CDH13: variants seen among roughly 807,000 people sequenced by gnomAD.
The protein encoded by CDH13 is cadherin-13.
A neutral mutation model predicts 63.8 loss-of-function variants in CDH13; 24 were observed. The observed-to-expected ratio is 0.38, with a 90% CI of 0.27 to 0.53. The LOEUF (loss-of-function observed/expected upper bound fraction) is 0.53. Among genes scored for constraint, CDH13 ranks in the 20% least tolerant of loss-of-function variants. The pLI is 0.85. For missense variants in CDH13, 1,049 were observed against 903.1 expected (o/e 1.16, Z -2.07); for synonymous variants, 503 against 355.3 (o/e 1.42, Z -4.67).
At chr16:83,339,516 A>G (rs2090675340) in intron 5 of CDH13, among the ~76,000 whole-genome samples, 1 of 152,112 alleles carries the variant, frequency 6.6e-6, no homozygotes, top group Non-Finnish European at 1.5e-5. Context: ...GTTAATCTGC[A>G]CCAAGATCCT....
chr16:83,780,162 G>A lies in CDH13; in HGVS notation c.1876G>A (p.Ala626Thr). The change falls in exon 12 of 14, where the codon GCT (alanine) becomes ACT (threonine). Residue 626 changes from alanine to threonine, a missense_variant. Physicochemically the swap from Ala to Thr is moderately conservative, Grantham distance 58 (BLOSUM62 0). Coordinates refer to ENST00000567109, the MANE Select transcript of CDH13 (RefSeq NM_001257.5). ...TTTCAAATTTGAAATCCACAAACAAGCTGTTCCTGATAAAGTCTGGAAGAT... is the reference window on the plus strand; with the variant it reads ...TTTCAAATTTGAAATCCACAAACAAACTGTTCCTGATAAAGTCTGGAAGAT... Reference protein sequence around the residue: ...DPFKFEIHKQAVPDKVWKISK... With the variant: ...DPFKFEIHKQTVPDKVWKISK... 1 of 1,609,476 alleles carries A rather than the reference G, an allele frequency of 6.2e-7. No individual in the cohort carries two copies. Among genetic ancestry groups the A allele is most frequent in the African/African-American group, 1.3e-5 (1 of 74,948 alleles).
chr16:83,001,393 T>C (rs1365194058), intron 2 of CDH13, among the ~76,000 whole-genome samples: 2 of 152,238 alleles, frequency 1.3e-5, no homozygotes, highest in Non-Finnish European at 2.9e-5. Flanking sequence ...TTATTCAGCA[T>C]GTTCAAGCAA....
chr16:82,894,941 A>C (rs1344268848), intron 2 of CDH13, among the ~76,000 whole-genome samples: 1 of 152,144 alleles, frequency 6.6e-6, no homozygotes, highest in Non-Finnish European at 1.5e-5. Flanking sequence ...CGGATGGGAA[A>C]GGTGGGGACA....
intron 6 of CDH13, among the ~76,000 whole-genome samples, chr16:83,368,038 A>G (rs182418736): frequency 2.6e-5 from 4 of 152,352 alleles, no homozygotes; most frequent in Non-Finnish European, 4.4e-5. Context: ...ATGATATTGT[A>G]AATTGAATTA....
At chr16:83,105,703 G>A (rs1295862407) in intron 3 of CDH13, among the ~76,000 whole-genome samples, 1 of 152,116 alleles carries the variant, frequency 6.6e-6, no homozygotes, top group Non-Finnish European at 1.5e-5. Flanking sequence ...ATGGGACCTG[G>A]CAGATGAAAC....
intron 6 of CDH13, among the ~76,000 whole-genome samples, chr16:83,369,504 T>G (rs1042595499): frequency 4.6e-5 from 7 of 152,092 alleles, no homozygotes; most frequent in African/African-American, 1.7e-4. Flanking sequence ...CTGCAGCATC[T>G]AGCTCCAAGG....
intron 11 of CDH13, among the ~76,000 whole-genome samples, chr16:83,764,120 G>C (rs1326073051): frequency 6.6e-6 from 1 of 152,176 alleles, no homozygotes. Flanking sequence ...GAACTGACTT[G>C]AACTGAGTCA....
intron 6 of CDH13, among the ~76,000 whole-genome samples, chr16:83,473,902 G>T (rs539425694): frequency 6.6e-6 from 1 of 152,128 alleles, no homozygotes; most frequent in Non-Finnish European, 1.5e-5. Flanking sequence ...CTGCCTCATA[G>T]GGTTTGTGGG....
chr16:83,644,739 C>T (rs1025830191), intron 8 of CDH13, among the ~76,000 whole-genome samples: 2 of 152,160 alleles, frequency 1.3e-5, no homozygotes, highest in Non-Finnish European at 2.9e-5. Flanking sequence ...GTGAATGGTT[C>T]ACATCAGCAG....
chr16:82,712,715 C>G (rs552280697), intron 1 of CDH13, among the ~76,000 whole-genome samples: 45 of 152,248 alleles, frequency 3.0e-4, no homozygotes, highest in African/African-American at 1.0e-3. Context: ...ATGGCTGACT[C>G]CCTGAACTCT....
intron 3 of CDH13, among the ~76,000 whole-genome samples, chr16:83,080,869 G>GGGTTTT: frequency 2.6e-5 from 1 of 37,796 alleles, no homozygotes; most frequent in South Asian, 1.1e-3. Context: ...TTTTGTTTTT[G>GGGTTTT]TGTTTTTTTT....
At chr16:83,335,081 A>G (rs764670762) in intron 5 of CDH13, among the ~76,000 whole-genome samples, 1 of 152,214 alleles carries the variant, frequency 6.6e-6, no homozygotes, top group Non-Finnish European at 1.5e-5. Flanking sequence ...AAATCTTCCA[A>G]TCACACTCTA....
At chr16:83,089,442 C>G (rs2033785316) in intron 3 of CDH13, among the ~76,000 whole-genome samples, 2 of 152,234 alleles carry the variant, frequency 1.3e-5, no homozygotes, top group South Asian at 2.1e-4. Flanking sequence ...CATCAGAGAA[C>G]TTGTGTTCTG....
intron 1 of CDH13, among the ~76,000 whole-genome samples, chr16:82,842,149 T>TATATATATATATACATAC (rs2039059076): frequency 5.3e-5 from 2 of 37,614 alleles, no homozygotes; most frequent in African/African-American, 1.5e-4. Flanking sequence ...CACATATATA[T>TATATATATATATACATAC]ATATATATAT....
chr16:83,402,220 A>G (rs1018959412), intron 6 of CDH13, among the ~76,000 whole-genome samples: 1 of 152,110 alleles, frequency 6.6e-6, no homozygotes, highest in Non-Finnish European at 1.5e-5. Context: ...GCTGCTGCTA[A>G]AGTAGCAAAA....
chr16:83,791,248 A>C (rs1366727545), intron 13 of CDH13, among the ~76,000 whole-genome samples: 2 of 152,106 alleles, frequency 1.3e-5, no homozygotes, highest in African/African-American at 4.8e-5. Context: ...TGTAATCCCA[A>C]CACTTTCGGA....
chr16:83,111,171 C>CA (rs11368028), intron 3 of CDH13, among the ~76,000 whole-genome samples: 28 of 147,386 alleles, frequency 1.9e-4, no homozygotes, highest in Middle Eastern at 3.5e-3. Flanking sequence ...GACTCCGTCT[C>CA]AAAAAAAAAA....
At chr16:83,251,773 C>A (rs1029489920) in intron 5 of CDH13, among the ~76,000 whole-genome samples, 1 of 152,146 alleles carries the variant, frequency 6.6e-6, no homozygotes, top group African/African-American at 2.4e-5. Context: ...CAGGCAGGGG[C>A]TTTGTGCCAT....
In CDH13 at chr16:83,497,876, C is replaced by T. The variant is rs79075731; in HGVS notation, c.960+11221C>T. Among the ~76,000 whole-genome samples the T allele has an allele frequency of 3.8e-3, 586 of 152,234 alleles. 1 individual carries two copies. The highest frequency in any genetic ancestry group is 0.013 in the African/African-American group (555 of 41,534). ...AGTCCACTCTCAAAATATTAACTCACACTTATTAATCATCACCTTGAAGTT... is the reference window on the plus strand; with the variant it reads ...AGTCCACTCTCAAAATATTAACTCATACTTATTAATCATCACCTTGAAGTT... On this transcript the variant is annotated intron_variant, in intron 7 of 13. Transcript: ENST00000567109.
Sources: gnomAD v4.1 joint callset for allele counts (sites outside exome capture counted in the v4.1 genomes callset) on GRCh38, gnomAD v4.1.1 for gene constraint, MANE v1.5 for transcripts, NCBI Gene and HGNC (gene_info 2026-07-23, HGNC 2026-07-21) for gene names.